Variants in NEK1 observed in about 807,000 individuals in gnomAD.
NEK1 encodes the protein NIMA related kinase 1.
A neutral mutation model predicts 182.1 loss-of-function variants in NEK1; 137 were observed. That is an observed-to-expected ratio of 0.75 (90% CI 0.65 to 0.87). The LOEUF (loss-of-function observed/expected upper bound fraction) is 0.87. NEK1 is among the 40% of genes least tolerant of loss of function. NEK1 has a pLI of 0.00. For missense variants in NEK1, 1,391 were observed against 1,494.4 expected (o/e 0.93, Z 1.14); for synonymous variants, 513 against 492.2 (o/e 1.04, Z -0.56).
chr4:169,591,678 TAAAA>T (rs570901433), intron 5 of NEK1, among the ~76,000 whole-genome samples: 1 of 150,220 alleles, frequency 6.7e-6, no homozygotes, highest in Admixed American at 6.6e-5. Context: ...ATTTTTAAAC[TAAAA>T]AAAAATAATA....
intron 33 of NEK1, 90 bp from the exon 34 acceptor site, chr4:169,400,741 T>C (rs780703801): frequency 7.5e-6 from 7 of 931,208 alleles, no homozygotes; most frequent in Non-Finnish European, 9.2e-6. Flanking sequence ...AAATGAATAA[T>C]GCCATTGAAA....
intron 27 of NEK1, among the ~76,000 whole-genome samples, chr4:169,440,501 C>T (rs1739234855): frequency 6.6e-6 from 1 of 152,106 alleles, no homozygotes; most frequent in South Asian, 2.1e-4. Context: ...CCACAGACAC[C>T]TGGCACTTGT....
chr4:169,548,227 C>G, intron 18 of NEK1, among the ~76,000 whole-genome samples: 1 of 152,230 alleles, frequency 6.6e-6, no homozygotes, highest in East Asian at 1.9e-4. Flanking sequence ...GAGCCCTCTG[C>G]TGCAGGTCTG....
intron 31 of NEK1, among the ~76,000 whole-genome samples, chr4:169,410,387 A>G (rs1413111117): frequency 1.3e-5 from 2 of 152,220 alleles, no homozygotes; most frequent in Admixed American, 6.5e-5. Context: ...TATTACTTGC[A>G]TTAACAGAAC....
At chr4:169,449,955 T>G (rs1326428577) in intron 27 of NEK1, among the ~76,000 whole-genome samples, 6 of 152,162 alleles carry the variant, frequency 3.9e-5, no homozygotes, top group Non-Finnish European at 8.8e-5. Flanking sequence ...AATGGCTAAC[T>G]ATAATAAACA....
intron 27 of NEK1, among the ~76,000 whole-genome samples, chr4:169,445,865 T>TATATATATATATATATACACAC (rs569539235): frequency 7.0e-6 from 1 of 143,220 alleles, no homozygotes; most frequent in African/African-American, 2.8e-5. Context: ...TATATATATA[T>TATATATATATATATATACACAC]ACACACACAC....
chr4:169,590,626 T>G, intron 6 of NEK1, 100 bp downstream of exon 6: 1 of 670,430 alleles, frequency 1.5e-6, no homozygotes, highest in East Asian at 2.8e-5. Context: ...AGACAGATAA[T>G]CTGATGCACA....
chr4:169,466,703 A>C (rs1043164031), intron 26 of NEK1, among the ~76,000 whole-genome samples: 2 of 152,086 alleles, frequency 1.3e-5, no homozygotes, highest in Admixed American at 6.6e-5. Context: ...AAAAATCTTA[A>C]AGGAAGTCCT....
At chr4:169,543,462 T>A (rs925762946) in intron 18 of NEK1, among the ~76,000 whole-genome samples, 1 of 152,204 alleles carries the variant, frequency 6.6e-6, no homozygotes, top group African/African-American at 2.4e-5. Flanking sequence ...TTGTCTTGGC[T>A]ATGTGGGCTC....
intron 23 of NEK1, among the ~76,000 whole-genome samples, chr4:169,505,827 C>A (rs1176153722): frequency 1.3e-5 from 2 of 151,504 alleles, no homozygotes; most frequent in African/African-American, 4.9e-5. Context: ...AAAATGTCTG[C>A]AAATATTAGC....
intron 19 of NEK1, among the ~76,000 whole-genome samples, chr4:169,509,074 C>G (rs1277254937): frequency 6.6e-6 from 1 of 152,084 alleles, no homozygotes; most frequent in African/African-American, 2.4e-5. Context: ...TTATTCAAAA[C>G]AGAGACCAGC....
intron 5 of NEK1, among the ~76,000 whole-genome samples, chr4:169,592,955 A>G (rs1259495935): frequency 6.6e-6 from 1 of 152,152 alleles, no homozygotes; most frequent in African/African-American, 2.4e-5. Flanking sequence ...AGAAAGTGAA[A>G]ATTATGTTAA....
chr4:169,438,729 C>T (rs1363684057), intron 27 of NEK1, among the ~76,000 whole-genome samples: 3 of 152,096 alleles, frequency 2.0e-5, no homozygotes, highest in Non-Finnish European at 4.4e-5. Flanking sequence ...CCTATTAATC[C>T]GTTGAAGATT....
At chr4:169,536,121 C>A (rs1758456807) in intron 19 of NEK1, among the ~76,000 whole-genome samples, 1 of 151,354 alleles carries the variant, frequency 6.6e-6, no homozygotes, top group South Asian at 2.1e-4. Context: ...ATGGTGAAAC[C>A]CCATCTTTAC....
At chr4:169,543,182 A>G (rs1320244276) in intron 18 of NEK1, among the ~76,000 whole-genome samples, 1 of 152,048 alleles carries the variant, frequency 6.6e-6, no homozygotes, top group Non-Finnish European at 1.5e-5. Context: ...TAAGGAGGGG[A>G]TCCAGTCTCA....
chr4:169,561,173 C>T (rs190859310), intron 16 of NEK1, among the ~76,000 whole-genome samples: 2 of 152,220 alleles, frequency 1.3e-5, no homozygotes, highest in South Asian at 2.1e-4. Flanking sequence ...AATTACAGAA[C>T]GATTTTAGGC....
intron 33 of NEK1, among the ~76,000 whole-genome samples, chr4:169,401,118 T>C (rs925797439): frequency 1.3e-5 from 2 of 152,204 alleles, no homozygotes; most frequent in Admixed American, 6.5e-5. Flanking sequence ...TTTTGTCATG[T>C]ACGTGCTCGA....
rs760878322 is a variant in NEK1, at chr4:169,507,058, TTC to T, written c.1984_1985del (p.Glu662LysfsTer11). On this transcript the variant is annotated frameshift_variant, in exon 23 of 36. Transcript: ENST00000507142. LOFTEE classifies it high-confidence loss of function. ...TTACATGCTCTTCCCACACTTTTTT[TTC>T]TCTCTCATAAGCCTCCTTTCTCTTT... ...ERKRKEAYER[E>X]KKVWEEHLVA... 14 of 1,608,094 alleles carry T rather than the reference TTC, an allele frequency of 8.7e-6. No individual in the cohort carries two copies. The highest frequency in any genetic ancestry group is 2.2e-5 in the South Asian group (2 of 89,946).
At chr4:169,470,344 A>T (rs945635690) in intron 26 of NEK1, among the ~76,000 whole-genome samples, 13 of 151,982 alleles carry the variant, frequency 8.6e-5, no homozygotes, top group African/African-American at 3.1e-4. Context: ...ATCCCTTAGC[A>T]TTTGCTTGTC....
Sources: gnomAD v4.1 joint callset for allele counts (sites outside exome capture counted in the v4.1 genomes callset) on GRCh38, gnomAD v4.1.1 for gene constraint, MANE v1.5 for transcripts, NCBI Gene and HGNC (gene_info 2026-07-23, HGNC 2026-07-21) for gene names.